TBC1D22A: variants seen among roughly 807,000 people sequenced by gnomAD.
TBC1D22A encodes putative GTPase activator.
In TBC1D22A, 38 loss-of-function variants were observed where a neutral mutation model predicts 60.2. The observed-to-expected ratio is 0.63, with a 90% CI of 0.49 to 0.83. The LOEUF (loss-of-function observed/expected upper bound fraction) is 0.83, where lower values mean the gene tolerates loss of function less well. Ranked by LOEUF, TBC1D22A falls within the 40% of genes least tolerant of loss-of-function variation. The probability of loss-of-function intolerance (pLI) is 0.00; values close to 1 mark genes in which losing one functional copy is unlikely to be tolerated. For synonymous variants in TBC1D22A, 302 were observed against 281.7 expected (o/e 1.07, Z -0.72); for missense variants, 628 against 701.0 (o/e 0.90, Z 1.18).
chr22:47,088,022 A>G (rs999068873), intron 11 of TBC1D22A, among the ~76,000 whole-genome samples: 7 of 152,174 alleles, frequency 4.6e-5, no homozygotes, highest in African/African-American at 1.7e-4. Context: ...GCAGTGAGCC[A>G]AGATTGCGCC....
At chr22:46,972,130 C>A (rs776632620) in intron 8 of TBC1D22A, among the ~76,000 whole-genome samples, 1 of 152,194 alleles carries the variant, frequency 6.6e-6, no homozygotes, top group Admixed American at 6.5e-5. Flanking sequence ...CTGGTTGCAC[C>A]CGGTATGCTG....
intron 10 of TBC1D22A, among the ~76,000 whole-genome samples, chr22:47,010,443 A>G (rs1245836470): frequency 6.6e-6 from 1 of 152,232 alleles, no homozygotes; most frequent in Non-Finnish European, 1.5e-5. Context: ...GGCAAGGCAC[A>G]TGCGTAATTG....
intron 12 of TBC1D22A, among the ~76,000 whole-genome samples, chr22:47,148,512 C>G (rs964404036): frequency 2.0e-5 from 3 of 151,798 alleles, no homozygotes; most frequent in Non-Finnish European, 4.4e-5. Context: ...TTGGGTGCGT[C>G]TCAAGGGCCT....
chr22:46,762,994 G>C (rs551516664), intron 1 of TBC1D22A, 146 bp downstream of exon 1: 2 of 725,510 alleles, frequency 2.8e-6, no homozygotes, highest in Admixed American at 4.1e-5. Context: ...ACGGGCGTTG[G>C]GGGGCTCGGA....
intron 12 of TBC1D22A, among the ~76,000 whole-genome samples, chr22:47,111,838 G>A (rs182178562): frequency 6.6e-6 from 1 of 152,334 alleles, no homozygotes; most frequent in Non-Finnish European, 1.5e-5. Flanking sequence ...AGATGTGGCT[G>A]TGTGACAAGC....
At position 46,829,211 on chromosome 22, in the gene TBC1D22A, G is replaced by A. The variant is rs1003779424; in HGVS notation, c.637+31591G>A. 4.6e-5 allele frequency among the ~76,000 whole-genome samples: 7 copies of A among 152,132 alleles called. 1 individual carries two copies. Among genetic ancestry groups the A allele is most frequent in the Middle Eastern group, 6.3e-3 (2 of 316 alleles). ...AAAATTAATTGTGCAGTAATCAAAC[G>A]CATTGTTTCATAGTTACTTGTGGCC... is the stretch of plus-strand genomic sequence containing the variant. On this transcript the variant is annotated intron_variant, in intron 4 of 12. Transcript: ENST00000337137.
At chr22:47,095,623 C>CTT (rs3085324) in intron 11 of TBC1D22A, among the ~76,000 whole-genome samples, 1 of 151,938 alleles carries the variant, frequency 6.6e-6, no homozygotes. Context: ...AGGATTTCCC[C>CTT]GTCTCCCAAC....
chr22:47,156,772 T>G (rs2067735009), intron 12 of TBC1D22A, among the ~76,000 whole-genome samples: 1 of 152,114 alleles, frequency 6.6e-6, no homozygotes. Context: ...TGCGTAGCCA[T>G]CCGGCAGCCC....
intron 11 of TBC1D22A, among the ~76,000 whole-genome samples, chr22:47,104,981 T>G (rs1261396797): frequency 2.0e-5 from 3 of 152,190 alleles, no homozygotes; most frequent in African/African-American, 7.2e-5. Context: ...TGTATTTGAT[T>G]GATGTCTCAT....
chr22:46,940,496 A>C (rs2071927403), intron 8 of TBC1D22A, among the ~76,000 whole-genome samples: 1 of 148,932 alleles, frequency 6.7e-6, no homozygotes, highest in Non-Finnish European at 1.5e-5. Flanking sequence ...ATACACACAC[A>C]CAGTCTACCC....
At chr22:46,854,452 G>A (rs1022351853) in intron 4 of TBC1D22A, among the ~76,000 whole-genome samples, 10 of 151,952 alleles carry the variant, frequency 6.6e-5, no homozygotes, top group African/African-American at 1.2e-4. Context: ...CATAGATGGC[G>A]CCAATCTCTC....
At chr22:47,125,642 G>A (rs1332167819) in intron 12 of TBC1D22A, among the ~76,000 whole-genome samples, 1 of 152,214 alleles carries the variant, frequency 6.6e-6, no homozygotes, top group African/African-American at 2.4e-5. Context: ...ACTCTGGGGT[G>A]ACTTGCAGGG....
intron 1 of TBC1D22A, among the ~76,000 whole-genome samples, chr22:46,765,850 A>T (rs2083263262): frequency 6.9e-6 from 1 of 144,062 alleles, no homozygotes; most frequent in Non-Finnish European, 1.5e-5. Context: ...GCATGATCTC[A>T]GCTCACTGCT....
At chr22:46,869,648 C>A (rs1354698629) in intron 4 of TBC1D22A, among the ~76,000 whole-genome samples, 1 of 152,206 alleles carries the variant, frequency 6.6e-6, no homozygotes, top group African/African-American at 2.4e-5. Flanking sequence ...TTTTGTAGAA[C>A]CTCTTTATGC....
At chr22:46,989,304 ATTTCCTTCAAGAACT>A (rs2074844798) in intron 9 of TBC1D22A, among the ~76,000 whole-genome samples, 1 of 151,898 alleles carries the variant, frequency 6.6e-6, no homozygotes, top group Admixed American at 6.6e-5. Context: ...AACACTTTTA[ATTTCCTTCAAGAACT>A]TTTCCTTTGC....
chr22:47,063,131 A>C (rs940144775), intron 11 of TBC1D22A, among the ~76,000 whole-genome samples: 1 of 152,140 alleles, frequency 6.6e-6, no homozygotes, highest in African/African-American at 2.4e-5. Flanking sequence ...GGAGGAGTCT[A>C]GGCCAAGGGC....
chr22:46,787,734 C>G (rs2146852073), intron 1 of TBC1D22A, among the ~76,000 whole-genome samples: 1 of 152,178 alleles, frequency 6.6e-6, no homozygotes, highest in Non-Finnish European at 1.5e-5. Flanking sequence ...TGGAAAATGT[C>G]AAATACAGGT....
chr22:47,144,477 C>T (rs1001947286), intron 12 of TBC1D22A, among the ~76,000 whole-genome samples: 8 of 152,238 alleles, frequency 5.3e-5, no homozygotes, highest in African/African-American at 1.7e-4. Flanking sequence ...CCACGCAAGG[C>T]GGTCTGTGTG....
chr22:46,796,662 G>T (rs912537415), intron 3 of TBC1D22A, among the ~76,000 whole-genome samples: 1 of 144,006 alleles, frequency 6.9e-6, no homozygotes, highest in Non-Finnish European at 1.5e-5. Context: ...GGAACGTGCT[G>T]TCTCACCACC....
Sources: gnomAD v4.1 joint callset for allele counts (sites outside exome capture counted in the v4.1 genomes callset) on GRCh38, gnomAD v4.1.1 for gene constraint, MANE v1.5 for transcripts, NCBI Gene and HGNC (gene_info 2026-07-23, HGNC 2026-07-21) for gene names.